The following SEMA3E variants were observed in gnomAD, a reference collection of about 807,000 sequenced individuals.
SEMA3E encodes semaphorin 3E, also known as semaphorin-3E.
In SEMA3E, 49 loss-of-function variants were observed where a neutral mutation model predicts 93.6. The ratio of observed to expected loss-of-function variants is 0.52; its 90% CI spans 0.42 to 0.66. The LOEUF (loss-of-function observed/expected upper bound fraction) is 0.66, where lower values mean the gene tolerates loss of function less well. Among genes scored for constraint, SEMA3E ranks in the 30% least tolerant of loss-of-function variants. The pLI, the probability that SEMA3E is intolerant of heterozygous loss-of-function variation, is 0.00. For synonymous variants in SEMA3E, 363 were observed against 330.7 expected, an observed-to-expected ratio of 1.10 and a Z score of -1.06; for missense variants, 906 against 964.8, an observed-to-expected ratio of 0.94 and a Z score of 0.81.
chr7:83,621,849 G>T (rs1212836965), intron 1 of SEMA3E, among the ~76,000 whole-genome samples: 1 of 152,090 alleles, frequency 6.6e-6, no homozygotes, highest in Non-Finnish European at 1.5e-5. Flanking sequence ...AATCAAGATG[G>T]ATTAAAGATT....
intron 1 of SEMA3E, among the ~76,000 whole-genome samples, chr7:83,564,090 A>G (rs1792091217): frequency 6.6e-6 from 1 of 152,204 alleles, no homozygotes; most frequent in African/African-American, 2.4e-5. Context: ...ATAGAGGATT[A>G]AAATATTGTA....
intron 1 of SEMA3E, among the ~76,000 whole-genome samples, chr7:83,521,962 C>T (rs148281918): frequency 1.3e-5 from 2 of 152,114 alleles, no homozygotes; most frequent in African/African-American, 4.8e-5. Flanking sequence ...AGTCATGATG[C>T]CAAGATGGCA....
chr7:83,405,383 T>G, intron 9 of SEMA3E, 67 bp downstream of exon 9: 1 of 1,140,956 alleles, frequency 8.8e-7, no homozygotes. Flanking sequence ...ATATACACCA[T>G]GAAGGGAGAG....
chr7:83,629,925 C>T lies in SEMA3E; in HGVS notation c.115+18503G>A, dbSNP rs540819171. ...ACCCAGGGCTCTGGTAGTGCAGGCA[C>T]CCGAGGGAATCTCCTGGTCTGTGGG... On this transcript the variant is annotated intron_variant, in intron 1 of 16. Coordinates refer to ENST00000643230, the MANE Select transcript of SEMA3E (RefSeq NM_012431.3). 6.6e-5 allele frequency among the ~76,000 whole-genome samples: 10 copies of T among 152,258 alleles called. No homozygotes were observed. The East Asian group carries it at 1.7e-3, about 26-fold the overall frequency.
rs575261708 is a variant in SEMA3E at position 83,627,064 on chromosome 7, T to G, written c.115+21364A>C. On this transcript the variant is annotated intron_variant, in intron 1 of 16. Transcript: ENST00000643230. Reference sequence around the variant, plus strand: ...GTTCTAATTTGATTGCACTGTGGTCTGAGAGACCGTTTGTTACAATTTGTG... The same window carrying G: ...GTTCTAATTTGATTGCACTGTGGTCGGAGAGACCGTTTGTTACAATTTGTG... Among the ~76,000 whole-genome samples the G allele has an allele frequency of 7.9e-5, 12 of 152,364 alleles. 1 individual carries two copies. The South Asian group carries it at 2.5e-3, about 32-fold the overall frequency.
At chr7:83,580,378 T>C (rs557283130) in intron 1 of SEMA3E, among the ~76,000 whole-genome samples, 1 of 152,164 alleles carries the variant, frequency 6.6e-6, no homozygotes, top group East Asian at 1.9e-4. Context: ...CTAGAACCTA[T>C]AGAATCATTC....
At chr7:83,449,890 C>T (rs1029557872) in intron 4 of SEMA3E, among the ~76,000 whole-genome samples, 2 of 152,134 alleles carry the variant, frequency 1.3e-5, no homozygotes, top group African/African-American at 2.4e-5. Context: ...TTTCTGTATG[C>T]TGAGTATTGA....
chr7:83,493,049 A>G (rs1197861895), intron 1 of SEMA3E, among the ~76,000 whole-genome samples: 3 of 151,972 alleles, frequency 2.0e-5, no homozygotes, highest in Non-Finnish European at 4.4e-5. Context: ...TGGATTCTTC[A>G]CCTGTTAATC....
intron 1 of SEMA3E, among the ~76,000 whole-genome samples, chr7:83,558,157 C>T (rs962124285): frequency 6.6e-6 from 1 of 152,028 alleles, no homozygotes; most frequent in African/African-American, 2.4e-5. Flanking sequence ...ATGTAGTAAA[C>T]AATTTCAGTA....
intron 1 of SEMA3E, among the ~76,000 whole-genome samples, chr7:83,616,033 G>A (rs1291345694): frequency 1.3e-5 from 2 of 151,878 alleles, no homozygotes; most frequent in African/African-American, 4.8e-5. Flanking sequence ...TGGGTTAAAT[G>A]TATGCCCTTG....
chr7:83,448,890 A>C (rs184482933), intron 4 of SEMA3E, among the ~76,000 whole-genome samples: 1 of 152,262 alleles, frequency 6.6e-6, no homozygotes, highest in African/African-American at 2.4e-5. Flanking sequence ...TTTTCTTTGT[A>C]ATTGACTTAT....
At chr7:83,375,975 G>T (rs1406868445) in intron 16 of SEMA3E, among the ~76,000 whole-genome samples, 1 of 151,938 alleles carries the variant, frequency 6.6e-6, no homozygotes, top group Non-Finnish European at 1.5e-5. Flanking sequence ...TGAGATAAAT[G>T]ATATTATACA....
intron 1 of SEMA3E, among the ~76,000 whole-genome samples, chr7:83,594,555 C>T (rs1034132274): frequency 6.6e-6 from 1 of 152,030 alleles, no homozygotes; most frequent in Non-Finnish European, 1.5e-5. Context: ...GAGCGCAAAC[C>T]TTCCTAGGTT....
At chr7:83,531,802 C>T (rs1462080640) in intron 1 of SEMA3E, among the ~76,000 whole-genome samples, 1 of 152,106 alleles carries the variant, frequency 6.6e-6, no homozygotes, top group Admixed American at 6.6e-5. Context: ...AAATATTTTA[C>T]TTAAATAGTT....
At position 83,400,076 on chromosome 7, in the gene SEMA3E, G is replaced by A. The variant is rs377657646; in HGVS notation, c.1318C>T (p.Arg440Ter). The A allele has an allele frequency of 1.1e-5, 18 of 1,613,930 alleles. No homozygotes were observed. Among genetic ancestry groups the A allele is most frequent in the East Asian group, 2.2e-5 (1 of 44,854 alleles). ...TATTGGCCATCCTCAGCTTCCACTC[G>A]ATCTACTGCTATTTGTTTCAGGTTA... ...KYNLKQIAVDRVEAEDGQYDV... is the reference protein window; with the variant it reads ...KYNLKQIAVD The change falls in exon 11 of 17, where the codon CGA becomes TGA. Residue 440 changes from arginine to a stop codon, truncating the protein, a stop_gained. Coordinates refer to ENST00000643230, the MANE Select transcript of SEMA3E (RefSeq NM_012431.3). LOFTEE classifies it high-confidence loss of function.
intron 1 of SEMA3E, among the ~76,000 whole-genome samples, chr7:83,549,853 A>G (rs1480163965): frequency 1.3e-5 from 2 of 151,916 alleles, no homozygotes; most frequent in East Asian, 1.9e-4. Flanking sequence ...TCTTCTGTGC[A>G]TTTATGGCCG....
intron 1 of SEMA3E, among the ~76,000 whole-genome samples, chr7:83,598,197 C>T (rs1022134800): frequency 1.3e-5 from 2 of 152,148 alleles, no homozygotes; most frequent in African/African-American, 2.4e-5. Flanking sequence ...CCTTTAGTGG[C>T]AGGCCTTATG....
chr7:83,405,427 T>C (rs1788309214), intron 9 of SEMA3E, 23 bp downstream of exon 9: 4 of 1,550,734 alleles, frequency 2.6e-6, no homozygotes, highest in Non-Finnish European at 2.7e-6. Context: ...ATATTGTTTT[T>C]ATTGACTGTA....
At chr7:83,549,471 T>G (rs534081729) in intron 1 of SEMA3E, among the ~76,000 whole-genome samples, 131 of 152,284 alleles carry the variant, frequency 8.6e-4, no homozygotes, top group African/African-American at 2.8e-3. Context: ...ACATGGCTTC[T>G]TTAATGATTT....
Sources: allele counts gnomAD v4.1 joint callset (sites outside exome capture counted in the v4.1 genomes callset), GRCh38; gene constraint gnomAD v4.1.1; transcripts MANE v1.5; gene names NCBI Gene and HGNC (gene_info 2026-07-23, HGNC 2026-07-21).